The following SFMBT2 variants were observed in gnomAD, a reference collection of about 807,000 sequenced individuals.
SFMBT2 encodes the protein Scm like with four mbt domains 2, also known as scm-like with four MBT domains protein 2.
A neutral mutation model predicts 110.1 loss-of-function variants in SFMBT2; 38 were observed. That is an observed-to-expected ratio of 0.35 (90% CI 0.27 to 0.45). SFMBT2 has a LOEUF of 0.45. Among genes scored for constraint, SFMBT2 ranks in the 20% least tolerant of loss-of-function variants. The pLI is 1.00. For synonymous variants in SFMBT2, 425 were observed against 425.4 expected (o/e 1.00, Z 0.01); for missense variants, 1,011 against 1,094.9 (o/e 0.92, Z 1.08).
chr10:7,219,638 T>G (rs971330726), intron 11 of SFMBT2: 2 of 315,282 alleles, frequency 6.3e-6, no homozygotes, highest in African/African-American at 4.5e-5. Context: ...CTAACTTTAT[T>G]TTACTATTCA....
intron 2 of SFMBT2, among the ~76,000 whole-genome samples, chr10:7,373,315 T>C (rs749475773): frequency 2.0e-5 from 3 of 152,204 alleles, no homozygotes; most frequent in Non-Finnish European, 4.4e-5. Flanking sequence ...CCTCACCAGA[T>C]GCAGCTGCCC....
rs1838419385 is a variant in SFMBT2, at chr10:7,186,578, GGGATTACAGTCA to G, written c.1808+2034_1808+2045del. Among the ~76,000 whole-genome samples the G allele has an allele frequency of 2.0e-5, 3 of 151,958 alleles. No individual in the cohort carries two copies. In the South Asian group the frequency reaches 6.2e-4, roughly 32 times the overall value. Reference sequence around the variant, plus strand: ...TGCTGCTTCAGCTTCCCAAAGTGCAGGGATTACAGTCATGAGCCACCACGCCTGGCCTGGACC... The same window carrying G: ...TGCTGCTTCAGCTTCCCAAAGTGCAGTGAGCCACCACGCCTGGCCTGGACC... On this transcript the variant is annotated intron_variant, in intron 16 of 20. Transcript: ENST00000397167.
intron 4 of SFMBT2, among the ~76,000 whole-genome samples, chr10:7,299,411 A>C (rs956546500): frequency 6.6e-6 from 1 of 152,208 alleles, no homozygotes; most frequent in Admixed American, 6.5e-5. Context: ...CCCCATCAAA[A>C]AGTTGGCAAA....
intron 10 of SFMBT2, among the ~76,000 whole-genome samples, chr10:7,222,922 C>T (rs1839791745): frequency 6.6e-6 from 1 of 152,096 alleles, no homozygotes; most frequent in African/African-American, 2.4e-5. Context: ...TCCCTAAGTG[C>T]TGGGATTACA....
At chr10:7,197,995 A>C in intron 14 of SFMBT2, 1 of 985,424 alleles carries the variant, frequency 1.0e-6, no homozygotes, top group Non-Finnish European at 1.2e-6. Context: ...TAATAGCAGG[A>C]CATTTTATAT....
chr10:7,382,469 C>A (rs575866498), intron 1 of SFMBT2, among the ~76,000 whole-genome samples: 13 of 152,204 alleles, frequency 8.5e-5, no homozygotes, highest in African/African-American at 2.9e-4. Context: ...CACAGGTCAA[C>A]AATAAAGGTC....
intron 16 of SFMBT2, among the ~76,000 whole-genome samples, chr10:7,186,407 A>G (rs1180667368): frequency 1.4e-5 from 2 of 147,946 alleles, no homozygotes; most frequent in Non-Finnish European, 3.0e-5. Context: ...ACATATACAC[A>G]TACATACATA....
chr10:7,277,106 A>G, intron 6 of SFMBT2, 117 bp from the exon 7 acceptor site: 1 of 675,838 alleles, frequency 1.5e-6, no homozygotes, highest in East Asian at 2.7e-5. Context: ...AGTGACCGTG[A>G]GTGTTCACAC....
intron 1 of SFMBT2, among the ~76,000 whole-genome samples, chr10:7,406,415 C>A (rs562098473): frequency 5.7e-4 from 87 of 151,342 alleles, no homozygotes; most frequent in African/African-American, 2.1e-3. Flanking sequence ...GCAATGCTTC[C>A]ATCGCTCACT....
Position 7,176,142 on chromosome 10 carries a change from G to A in SFMBT2, c.1832C>T (p.Ala611Val). ...KAKYRGKTYRAVVKIVRTSDQ... is the reference protein window; with the variant it reads ...KAKYRGKTYRVVVKIVRTSDQ... ...AGATGTCCGTACGATTTTGACCACA[G>A]CCCTGTATGTTTTGCCTCTGTATCT... Residue 611 changes from alanine (A) to valine (V), a missense_variant, in exon 17 of 21, where the codon GCT becomes GTT. By Grantham distance (64) the Ala-to-Val change is moderately conservative. Transcript: ENST00000397167. 2 of 1,614,138 alleles carry A rather than the reference G, an allele frequency of 1.2e-6. No individual in the cohort carries two copies. The highest frequency in any genetic ancestry group is 1.7e-6 in the Non-Finnish European group (2 of 1,180,030).
intron 4 of SFMBT2, among the ~76,000 whole-genome samples, chr10:7,335,241 T>C (rs1564446023): frequency 6.6e-6 from 1 of 152,206 alleles, no homozygotes; most frequent in Admixed American, 6.5e-5. Context: ...AACGTGAATA[T>C]AATTAATGCC....
intron 9 of SFMBT2, among the ~76,000 whole-genome samples, chr10:7,238,877 G>C (rs1224317086): frequency 6.6e-6 from 1 of 152,168 alleles, no homozygotes; most frequent in African/African-American, 2.4e-5. Context: ...TTGCTTAGGT[G>C]ATCTACTTAT....
At chr10:7,181,746 T>G (rs1461578789) in intron 16 of SFMBT2, among the ~76,000 whole-genome samples, 1 of 152,214 alleles carries the variant, frequency 6.6e-6, no homozygotes, top group African/African-American at 2.4e-5. Flanking sequence ...AGGCTTGTTT[T>G]GGAGTTGGCC....
At chr10:7,327,382 C>T (rs1843420616) in intron 4 of SFMBT2, among the ~76,000 whole-genome samples, 3 of 152,080 alleles carry the variant, frequency 2.0e-5, no homozygotes, top group Non-Finnish European at 1.5e-5. Flanking sequence ...CCTTCCTCCA[C>T]CTCAACCCCC....
chr10:7,273,123 A>T (rs765986572), intron 7 of SFMBT2, among the ~76,000 whole-genome samples: 2 of 152,214 alleles, frequency 1.3e-5, no homozygotes, highest in African/African-American at 4.8e-5. Flanking sequence ...GAGACAAATG[A>T]TAGCTCACCT....
At position 7,197,649 on chromosome 10, in the gene SFMBT2, T is replaced by C. The variant is rs1213514191; in HGVS notation, c.1597A>G (p.Ile533Val). The C allele has an allele frequency of 1.2e-6, 2 of 1,614,192 alleles. No individual in the cohort carries two copies. The highest frequency in any genetic ancestry group is 1.7e-5 in the Admixed American group (1 of 60,016). Residue 533 changes from isoleucine to valine, a missense_variant, in exon 15 of 21, where the codon ATC becomes GTC. Transcript: ENST00000397167. Reference sequence around the variant, plus strand: ...GGGCCTGAGAAACACCTGTGGTTGATGAAGAGCTGAGGACAGCAGTATTTC... The same window carrying C: ...GGGCCTGAGAAACACCTGTGGTTGACGAAGAGCTGAGGACAGCAGTATTTC... ...NGKYCCPQLF[I>V]NHRCFSGPYL...
At chr10:7,372,942 G>A (rs554400817) in intron 2 of SFMBT2, among the ~76,000 whole-genome samples, 23 of 152,228 alleles carry the variant, frequency 1.5e-4, no homozygotes, top group South Asian at 8.3e-4. Context: ...AGCAGCCACC[G>A]CCCTCCCAGG....
intron 2 of SFMBT2, among the ~76,000 whole-genome samples, chr10:7,381,090 TAC>T (rs1406861051): frequency 1.3e-5 from 2 of 151,826 alleles, no homozygotes; most frequent in African/African-American, 4.8e-5. Context: ...CATACATACA[TAC>T]ATACATACAT....
intron 7 of SFMBT2, among the ~76,000 whole-genome samples, chr10:7,265,584 T>C (rs1054563413): frequency 2.0e-5 from 3 of 152,228 alleles, no homozygotes; most frequent in Non-Finnish European, 4.4e-5. Flanking sequence ...AACTCTTTCC[T>C]CTTCTTAGCA....
Sources: allele counts gnomAD v4.1 joint callset (sites outside exome capture counted in the v4.1 genomes callset), GRCh38; gene constraint gnomAD v4.1.1; transcripts MANE v1.5; gene names NCBI Gene and HGNC (gene_info 2026-07-23, HGNC 2026-07-21).